Variants in SUSD4 observed in about 807,000 individuals in gnomAD.
SUSD4 encodes the protein sushi domain-containing protein 4.
Under a neutral mutation model 50.5 loss-of-function variants are expected in SUSD4, and 41 were observed. The observed-to-expected ratio is 0.81, with a 90% CI of 0.63 to 1.05. The LOEUF (loss-of-function observed/expected upper bound fraction) is 1.05, where lower values mean the gene tolerates loss of function less well. Ranked by LOEUF, SUSD4 falls within the 50% of genes least tolerant of loss-of-function variation. The pLI is 0.00. For missense variants in SUSD4, 580 were observed against 634.7 expected, an observed-to-expected ratio of 0.91 and a Z score of 0.93; for synonymous variants, 257 against 257.3, an observed-to-expected ratio of 1.00 and a Z score of 0.01.
At chr1:223,361,979 G>A (rs957237004) in intron 2 of SUSD4, among the ~76,000 whole-genome samples, 1 of 152,128 alleles carries the variant, frequency 6.6e-6, no homozygotes, top group African/African-American at 2.4e-5. Flanking sequence ...CCATGAAGAG[G>A]AAGCTTGCCT....
At position 223,268,511 on chromosome 1, in the gene SUSD4, T is replaced by C; in HGVS notation, c.526A>G (p.Ile176Val). The change falls in exon 4 of 9, where the codon ATC becomes GTC. Residue 176 changes from isoleucine (I) to valine (V), a missense_variant. By Grantham distance (29) the Ile-to-Val change is conservative. Coordinates refer to ENST00000366878, the MANE Select transcript of SUSD4 (RefSeq NM_017982.4). ...AGCATCAGTCCCGTACCTTGACAGA[T>C]GGGCAGATTATTCCACGTTCCATCA... is the stretch of plus-strand genomic sequence containing the variant. ...RDDGTWNNLPICQGCLRPLAS... is the reference protein window; with the variant it reads ...RDDGTWNNLPVCQGCLRPLAS... The C allele has an allele frequency of 1.2e-6, 2 of 1,613,402 alleles. No individual in the cohort carries two copies. The highest frequency in any genetic ancestry group is 1.3e-5 in the African/African-American group (1 of 75,046).
intron 2 of SUSD4, among the ~76,000 whole-genome samples, chr1:223,346,217 C>CA (rs779333251): frequency 2.7e-4 from 41 of 152,262 alleles, no homozygotes; most frequent in Non-Finnish European, 5.1e-4. Context: ...CCCTGGGGGA[C>CA]AAAATCACCC....
chr1:223,226,105 C>T (rs1237058775), intron 7 of SUSD4, among the ~76,000 whole-genome samples: 3 of 152,178 alleles, frequency 2.0e-5, no homozygotes, highest in African/African-American at 4.8e-5. Flanking sequence ...AGAAAAATAG[C>T]TCTGTGGGCT....
chr1:223,240,221 T>C (rs1558172948), intron 5 of SUSD4, among the ~76,000 whole-genome samples: 1 of 152,124 alleles, frequency 6.6e-6, no homozygotes, highest in East Asian at 1.9e-4. Context: ...TTATTTTTGA[T>C]TTTTCTGTAA....
chr1:223,269,623 T>A (rs535538973), intron 3 of SUSD4, among the ~76,000 whole-genome samples: 1 of 152,350 alleles, frequency 6.6e-6, no homozygotes, highest in Admixed American at 6.5e-5. Context: ...CTGTTTAATG[T>A]TTCTGGTTTT....
intron 3 of SUSD4, among the ~76,000 whole-genome samples, chr1:223,282,689 C>T (rs1316881316): frequency 6.6e-6 from 1 of 152,140 alleles, no homozygotes; most frequent in Non-Finnish European, 1.5e-5. Flanking sequence ...GATTCAATGC[C>T]ATCCCCATCA....
At chr1:223,237,603 T>C (rs1422689001) in intron 5 of SUSD4, among the ~76,000 whole-genome samples, 1 of 152,060 alleles carries the variant, frequency 6.6e-6, no homozygotes, top group Non-Finnish European at 1.5e-5. Context: ...CTGCATATAT[T>C]GAAATGATTT....
chr1:223,257,246 G>A (rs1410552609), intron 5 of SUSD4, among the ~76,000 whole-genome samples: 2 of 152,180 alleles, frequency 1.3e-5, no homozygotes, highest in Non-Finnish European at 2.9e-5. Context: ...GTTCATGCCT[G>A]TAGTCCCAGC....
Position 223,363,287 on chromosome 1 carries a change from G to C in SUSD4, c.139C>G (p.Leu47Val). ...CAGCTGGGTCACTCACCGCCCGTGA[G>C]CTGTGCAGGGCCGAAGCACAGCGCC... ...QLALCFGPAQ[L>V]TGGFDDLQVC... Residue 47 changes from leucine (L) to valine (V), a missense_variant, in exon 2 of 9, where the codon CTC becomes GTC. Leu to Val is a conservative substitution (Grantham distance 32). Transcript: ENST00000366878. The C allele has an allele frequency of 1.2e-6, 2 of 1,600,312 alleles. No individual in the cohort carries two copies. The highest frequency in any genetic ancestry group is 1.7e-6 in the Non-Finnish European group (2 of 1,172,756).
intron 8 of SUSD4, among the ~76,000 whole-genome samples, chr1:223,222,584 G>A (rs1056339126): frequency 1.3e-5 from 2 of 152,156 alleles, no homozygotes; most frequent in African/African-American, 4.8e-5. Flanking sequence ...CTGTTTCCAC[G>A]TCATTACTGC....
At chr1:223,238,270 T>G (rs1660351990) in intron 5 of SUSD4, among the ~76,000 whole-genome samples, 1 of 152,022 alleles carries the variant, frequency 6.6e-6, no homozygotes, top group South Asian at 2.1e-4. Context: ...GGTTTATTGA[T>G]TTTATTAATC....
intron 2 of SUSD4, among the ~76,000 whole-genome samples, chr1:223,354,584 T>C (rs2102585931): frequency 6.6e-6 from 1 of 152,334 alleles, no homozygotes; most frequent in East Asian, 1.9e-4. Context: ...AGCCACCAAG[T>C]ATATGCTGGC....
chr1:223,269,198 G>A (rs1662738207), intron 3 of SUSD4, among the ~76,000 whole-genome samples: 1 of 152,174 alleles, frequency 6.6e-6, no homozygotes, highest in Non-Finnish European at 1.5e-5. Flanking sequence ...TTTGCCATTA[G>A]CATTTCCTGT....
At chr1:223,223,816 C>T (rs1207667812) in intron 7 of SUSD4, among the ~76,000 whole-genome samples, 185 bp from the exon 8 acceptor site, 2 of 152,204 alleles carry the variant, frequency 1.3e-5, no homozygotes, top group African/African-American at 4.8e-5. Context: ...GCTGCCATCC[C>T]GGCTGCCCAT....
chr1:223,358,246 AGATGGATGGATG>A lies in SUSD4; in HGVS notation c.148+5020_148+5031del, dbSNP rs143723639. On this transcript the variant is annotated intron_variant, in intron 2 of 8. Transcript: ENST00000366878. ...AGGATGTACAATAGACACTGGAAAA[AGATGGATGGATG>A]GATGGATGGATGGGTGGGAAAAAGA... Among the ~76,000 whole-genome samples, 829 of 152,132 alleles carry A rather than the reference AGATGGATGGATG, an allele frequency of 5.4e-3. 8 individuals are homozygous for A. Among genetic ancestry groups the A allele is most frequent in the African/African-American group, 0.018 (763 of 41,488 alleles).
chr1:223,311,204 C>G (rs372860886), intron 2 of SUSD4, among the ~76,000 whole-genome samples: 1 of 152,342 alleles, frequency 6.6e-6, no homozygotes, highest in Non-Finnish European at 1.5e-5. Flanking sequence ...CCATTACATC[C>G]TATCTGAAGC....
intron 7 of SUSD4, among the ~76,000 whole-genome samples, chr1:223,225,879 GA>G (rs1323818436): frequency 2.0e-5 from 3 of 152,004 alleles, no homozygotes; most frequent in Non-Finnish European, 4.4e-5. Flanking sequence ...GGAACCTGGA[GA>G]AAAAAAGTCC....
intron 2 of SUSD4, among the ~76,000 whole-genome samples, chr1:223,359,391 C>T (rs2102599613): frequency 6.6e-6 from 1 of 152,312 alleles, no homozygotes; most frequent in African/African-American, 2.4e-5. Context: ...CAAGCTATCC[C>T]TCCACCTGAG....
intron 6 of SUSD4, among the ~76,000 whole-genome samples, chr1:223,228,179 G>T (rs943207066): frequency 6.6e-6 from 1 of 152,120 alleles, no homozygotes; most frequent in African/African-American, 2.4e-5. Context: ...AGGGTAAAGG[G>T]GACCCCTGTT....
Sources: gnomAD v4.1 joint callset for allele counts (sites outside exome capture counted in the v4.1 genomes callset) on GRCh38, gnomAD v4.1.1 for gene constraint, MANE v1.5 for transcripts, NCBI Gene and HGNC (gene_info 2026-07-23, HGNC 2026-07-21) for gene names.